Variants in ZNF106 observed in about 807,000 individuals in gnomAD.
The protein encoded by ZNF106 is SH3-domain binding protein 3.
ZNF106 carries 67 observed loss-of-function variants against 195.1 expected under a neutral mutation model. That is an observed-to-expected ratio of 0.34 (90% CI 0.28 to 0.42). The LOEUF is 0.42. ZNF106 is among the 10% of genes least tolerant of loss of function. ZNF106 has a pLI of 1.00. For missense variants in ZNF106, 2,118 were observed against 2,304.5 expected, an observed-to-expected ratio of 0.92 and a Z score of 1.66; for synonymous variants, 784 against 818.6, an observed-to-expected ratio of 0.96 and a Z score of 0.72.
At chr15:42,466,784 G>A (rs941945159) in intron 2 of ZNF106, among the ~76,000 whole-genome samples, 3 of 152,166 alleles carry the variant, frequency 2.0e-5, no homozygotes, top group Non-Finnish European at 4.4e-5. Flanking sequence ...ATTTATAGTA[G>A]GTTCCCTTCT....
At chr15:42,471,312 A>G (rs922530456) in intron 2 of ZNF106, among the ~76,000 whole-genome samples, 1 of 152,222 alleles carries the variant, frequency 6.6e-6, no homozygotes, top group African/African-American at 2.4e-5. Context: ...AACAATCAAG[A>G]GCATCTTAAA....
chr15:42,435,326 C>T, intron 14 of ZNF106, 58 bp downstream of exon 14: 2 of 1,608,732 alleles, frequency 1.2e-6, no homozygotes, highest in Admixed American at 1.7e-5. Context: ...CCACTCCACA[C>T]AGTAAATACA....
In ZNF106 at chr15:42,437,272, G is replaced by A; in HGVS notation, c.4706C>T (p.Thr1569Ile). 6.2e-7 allele frequency: 1 copy of A among 1,614,068 alleles called. No individual in the cohort carries two copies. The highest frequency in any genetic ancestry group is 8.5e-7 in the Non-Finnish European group (1 of 1,179,986). The change falls in exon 13 of 22, where the codon ACC becomes ATC. Residue 1569 changes from threonine (T) to isoleucine (I), a missense_variant. By Grantham distance (89) the Thr-to-Ile change is moderately conservative. Coordinates refer to ENST00000564754, the MANE Select transcript of ZNF106 (RefSeq NM_001366845.3). ...AIQIFGNLLY[T>I]CSADKTVRVY... Reference sequence around the variant, plus strand: ...CCGAACAGTTTTATCTGCTGAACAGGTATATAGCAAGTTCCCAAATATCTG... The same window carrying A: ...CCGAACAGTTTTATCTGCTGAACAGATATATAGCAAGTTCCCAAATATCTG...
At chr15:42,447,999 T>C (rs1180675400) in intron 6 of ZNF106, 73 bp downstream of exon 6, 5 of 1,494,810 alleles carry the variant, frequency 3.3e-6, no homozygotes, top group East Asian at 4.5e-5. Flanking sequence ...AGAAAAACAG[T>C]TGAACCTTTT....
At chr15:42,445,218 G>A (rs1000262218) in intron 7 of ZNF106, among the ~76,000 whole-genome samples, 2 of 152,184 alleles carry the variant, frequency 1.3e-5, no homozygotes, top group Admixed American at 1.3e-4. Context: ...ACATCATTCT[G>A]TCTCATCTAA....
At chr15:42,480,204 C>T (rs1224466591) in intron 1 of ZNF106, among the ~76,000 whole-genome samples, 1 of 152,144 alleles carries the variant, frequency 6.6e-6, no homozygotes. Context: ...TAGTTGTATC[C>T]ATTTTTGCTT....
At chr15:42,441,440 C>T (rs1386344326) in intron 10 of ZNF106, among the ~76,000 whole-genome samples, 1 of 152,038 alleles carries the variant, frequency 6.6e-6, no homozygotes, top group Non-Finnish European at 1.5e-5. Flanking sequence ...AAACTTTTTG[C>T]TTTTGCTCAG....
chr15:42,448,231 A>G lies in ZNF106; in HGVS notation c.2976T>C (p.Asn992=). The G allele has an allele frequency of 6.2e-7, 1 of 1,614,178 alleles. No individual in the cohort carries two copies. Among genetic ancestry groups the G allele is most frequent in the Non-Finnish European group, 8.5e-7 (1 of 1,180,012 alleles). ...TTCCCTCTCCATTACTCTCCTGGGA[A>G]TTCTGATTCTCTGACGGTGGTATAG... is the stretch of plus-strand genomic sequence containing the variant. ...ERSIPPSENQ[N]SQESNGEGNC... is the part of the protein sequence containing the mutation. Residue 992 remains asparagine (N), a synonymous_variant, in exon 6 of 22, where the codon AAT becomes AAC. Transcript: ENST00000564754.
intron 12 of ZNF106, among the ~76,000 whole-genome samples, chr15:42,438,180 A>G (rs1488192480): frequency 6.6e-6 from 1 of 152,146 alleles, no homozygotes; most frequent in Non-Finnish European, 1.5e-5. Context: ...TGAGGCCAGG[A>G]GTTCGAGACC....
rs1469812871 is a variant in ZNF106, at chr15:42,472,303, G to A, written c.-14C>T. ...TTCTCGTACCATAGTGACCAGATCT[G>A]AAGCACTCAACGTCACAGCTGCAAT... On this transcript the variant is annotated 5_prime_UTR_variant, in exon 2 of 22. Coordinates refer to ENST00000564754, the MANE Select transcript of ZNF106 (RefSeq NM_001366845.3). 6.5e-7 allele frequency: 1 copy of A among 1,535,058 alleles called. No individual in the cohort carries two copies. Among genetic ancestry groups the A allele is most frequent in the South Asian group, 1.2e-5 (1 of 83,778 alleles).
Position 42,448,391 on chromosome 15 carries a change from G to C in ZNF106, c.2816C>G (p.Pro939Arg). 1 of 1,614,158 alleles carries C rather than the reference G, an allele frequency of 6.2e-7. No individual in the cohort carries two copies. Among genetic ancestry groups the C allele is most frequent in the African/African-American group, 1.3e-5 (1 of 75,044 alleles). The change falls in exon 6 of 22, where the codon CCT becomes CGT. Residue 939 changes from proline to arginine, a missense_variant. Transcript: ENST00000564754. Reference sequence around the variant, plus strand: ...ACCTGTTCGGAGGGAGGCAGCCCGAGGTGTCACTTCTTGTTTGAGGTGCAT... The same window carrying C: ...ACCTGTTCGGAGGGAGGCAGCCCGACGTGTCACTTCTTGTTTGAGGTGCAT... ...ATMHLKQEVT[P>R]RAASLRTGER...
At chr15:42,471,843 T>C (rs941388737) in intron 2 of ZNF106, among the ~76,000 whole-genome samples, 40 of 152,244 alleles carry the variant, frequency 2.6e-4, no homozygotes, top group Non-Finnish European at 4.8e-4. Flanking sequence ...AAACAGATTG[T>C]AGGTACATAT....
chr15:42,464,558 T>C (rs1223652035), intron 3 of ZNF106, among the ~76,000 whole-genome samples: 1 of 145,732 alleles, frequency 6.9e-6, no homozygotes, highest in Non-Finnish European at 1.5e-5. Context: ...ATACAGGGTC[T>C]GGCTCTGTCA....
intron 17 of ZNF106, among the ~76,000 whole-genome samples, chr15:42,423,379 A>G (rs1010181385): frequency 2.6e-5 from 4 of 151,480 alleles, no homozygotes; most frequent in South Asian, 4.2e-4. Flanking sequence ...TCAAAAAAAA[A>G]AAAGAAAGAA....
intron 4 of ZNF106, among the ~76,000 whole-genome samples, chr15:42,456,325 C>T (rs1226237257): frequency 1.3e-5 from 2 of 152,094 alleles, no homozygotes; most frequent in Non-Finnish European, 2.9e-5. Context: ...AAAATTTAAA[C>T]GCCAAATAAA....
chr15:42,458,448 G>A (rs955838747), intron 3 of ZNF106, among the ~76,000 whole-genome samples: 14 of 150,282 alleles, frequency 9.3e-5, no homozygotes, highest in Non-Finnish European at 1.5e-4. Context: ...TGGGGCTCAC[G>A]CCTGTAATCC....
chr15:42,462,325 C>T lies in ZNF106; in HGVS notation c.116+3728G>A, dbSNP rs147503622. Among the ~76,000 whole-genome samples the T allele has an allele frequency of 3.8e-3, 574 of 152,230 alleles. 3 individuals are homozygous for T. Among genetic ancestry groups the T allele is most frequent in the Middle Eastern group, 0.01 (3 of 294 alleles). ...TAAATATAAATGTATAGGCCAGGCGCGGTGGCTCACGCCTGTAATCCCAGC... is the reference window on the plus strand; with the variant it reads ...TAAATATAAATGTATAGGCCAGGCGTGGTGGCTCACGCCTGTAATCCCAGC... On this transcript the variant is annotated intron_variant, in intron 3 of 21. Transcript: ENST00000564754.
Position 42,466,067 on chromosome 15 carries a change from C to T in ZNF106, c.102G>A (p.Glu34=). Reference sequence around the variant, plus strand: ...CGTTCCCATACCTGCCCTTGAGGTTCTCAAGTTCCCTGTGATGCAACATGC... The same window carrying T: ...CGTTCCCATACCTGCCCTTGAGGTTTTCAAGTTCCCTGTGATGCAACATGC... ...MRSMLHHREL[E]NLKGRDISHE... is the part of the protein sequence containing the mutation. The change falls in exon 3 of 22, where the codon GAG becomes GAA. Residue 34 remains glutamate, a synonymous_variant. Coordinates refer to ENST00000564754, the MANE Select transcript of ZNF106 (RefSeq NM_001366845.3). 5.2e-6 allele frequency: 8 copies of T among 1,534,426 alleles called. No individual in the cohort carries two copies. The highest frequency in any genetic ancestry group is 7.0e-6 in the Non-Finnish European group (8 of 1,146,156).
intron 1 of ZNF106, among the ~76,000 whole-genome samples, chr15:42,482,532 T>G (rs952441742): frequency 7.2e-6 from 1 of 138,540 alleles, no homozygotes; most frequent in Non-Finnish European, 1.6e-5. Flanking sequence ...GTTTTTTTTT[T>G]TTTTTTTTTT....
Sources: gnomAD v4.1 joint callset for allele counts (sites outside exome capture counted in the v4.1 genomes callset) on GRCh38, gnomAD v4.1.1 for gene constraint, MANE v1.5 for transcripts, NCBI Gene and HGNC (gene_info 2026-07-23, HGNC 2026-07-21) for gene names.